The following SH3TC1 variants were observed in gnomAD, a reference collection of about 807,000 sequenced individuals.
The protein encoded by SH3TC1 is SH3 domain and tetratricopeptide repeat-containing protein 1.
A neutral mutation model predicts 117.3 loss-of-function variants in SH3TC1; 135 were observed. The ratio of observed to expected loss-of-function variants is 1.15; its 90% CI spans 1.00 to 1.33. The LOEUF is 1.33. SH3TC1 is among the 40% of genes most tolerant of loss of function. SH3TC1 has a pLI of 0.00. For missense variants in SH3TC1, 2,092 were observed against 1,794.3 expected (o/e 1.17, Z -3.00); for synonymous variants, 898 against 816.9 (o/e 1.10, Z -1.69).
At chr4:8,239,445 C>T (rs1454833598) in intron 17 of SH3TC1, among the ~76,000 whole-genome samples, 10 of 149,764 alleles carry the variant, frequency 6.7e-5, no homozygotes, top group East Asian at 5.9e-4. Flanking sequence ...CACACGGACA[C>T]GCACACGCAG....
chr4:8,198,741 TGTTCC>T (rs1717645347), upstream of SH3TC1, among the ~76,000 whole-genome samples: 1 of 152,188 alleles, frequency 6.6e-6, no homozygotes, highest in Non-Finnish European at 1.5e-5. Flanking sequence ...TTCCCCTAAA[TGTTCC>T]CATTGATGGA....
Position 8,233,369 on chromosome 4 carries a change from C to T in SH3TC1, c.3138C>T (p.Tyr1046=). Residue 1046 remains tyrosine, a synonymous_variant, in exon 14 of 18, where the codon TAC becomes TAT. Transcript: ENST00000245105. Reference sequence around the variant, plus strand: ...CACCTGTGTCTGATACCAGGGCCTACAAATCCGCACTGGACTACACCAAAC... The same window carrying T: ...CACCTGTGTCTGATACCAGGGCCTATAAATCCGCACTGGACTACACCAAAC... The part of the protein sequence containing the change: ...LYLSLGTERA[Y]KSALDYTKRS... 6.2e-7 allele frequency: 1 copy of T among 1,606,892 alleles called. No homozygotes were observed. Among genetic ancestry groups the T allele is most frequent in the Non-Finnish European group, 8.5e-7 (1 of 1,176,564 alleles).
chr4:8,184,446 C>A (rs1717166216), intron 1 of SH3TC1, among the ~76,000 whole-genome samples: 1 of 149,244 alleles, frequency 6.7e-6, no homozygotes, highest in Non-Finnish European at 1.5e-5. Context: ...GTGGTGTGAG[C>A]ATGGCTCACT....
chr4:8,239,328 CATGCACACATGGACACGCACACGCAA>C (rs989493791), intron 17 of SH3TC1, among the ~76,000 whole-genome samples: 1 of 150,020 alleles, frequency 6.7e-6, no homozygotes, highest in Non-Finnish European at 1.5e-5. Flanking sequence ...CACAGAGACA[CATGCACACATGGACACGCACACGCAA>C]ATGCACACAG....
intron 16 of SH3TC1, 82 bp downstream of exon 16, chr4:8,236,510 A>C: frequency 2.1e-6 from 3 of 1,404,198 alleles, no homozygotes; most frequent in Non-Finnish European, 2.8e-6. Flanking sequence ...AGGAGCCGAA[A>C]CAGCTGCCGG....
At position 8,228,130 on chromosome 4, in the gene SH3TC1, A is replaced by G; in HGVS notation, c.2436A>G (p.Ala812=). 6.2e-7 allele frequency: 1 copy of G among 1,612,196 alleles called. No individual in the cohort carries two copies. Among genetic ancestry groups the G allele is most frequent in the Non-Finnish European group, 8.5e-7 (1 of 1,179,470 alleles). Residue 812 remains alanine (A), a synonymous_variant, in exon 12 of 18, where the codon GCA becomes GCG. Transcript: ENST00000245105. ...HGPAITFMTQ[A]VEASAIAGVR... is the part of the protein sequence containing the mutation. ...CGGCCATCACCTTCATGACGCAGGC[A>G]GTGGAAGCCAGTGCTATTGCCGGAG...
rs1719229570 is a variant in SH3TC1 at position 8,216,005 on chromosome 4, C to T, written c.482-106C>T. 2.9e-6 allele frequency: 4 copies of T among 1,384,720 alleles called. No individual in the cohort carries two copies. In the East Asian group the frequency reaches 9.7e-5, roughly 34 times the overall value. The allele number at this position is 1,384,720 out of a possible 1,614,324, so 85.8% of individuals were successfully genotyped here. ...CAGGTGGGTGTCTTCCATGGTCTCCCTGGACCTGGTCAGTGCAGGGCTCAG... is the reference window on the plus strand; with the variant it reads ...CAGGTGGGTGTCTTCCATGGTCTCCTTGGACCTGGTCAGTGCAGGGCTCAG... On this transcript the variant is annotated intron_variant, in intron 5 of 17. Transcript: ENST00000245105.
At chr4:8,198,570 C>T (rs953236726), upstream of SH3TC1, among the ~76,000 whole-genome samples, 4 of 152,214 alleles carry the variant, frequency 2.6e-5, no homozygotes, top group Non-Finnish European at 5.9e-5. Context: ...CAGGCAGGGG[C>T]GAGATTACGT....
In SH3TC1 at chr4:8,227,009, C is replaced by G; in HGVS notation, c.1315C>G (p.Pro439Ala). 1 of 1,561,800 alleles carries G rather than the reference C, an allele frequency of 6.4e-7. No homozygotes were observed. The highest frequency in any genetic ancestry group is 8.7e-7 in the Non-Finnish European group (1 of 1,153,856). The change falls in exon 12 of 18, where the codon CCA becomes GCA. Residue 439 changes from proline to alanine, a missense_variant. Pro to Ala is a conservative substitution (Grantham distance 27). Coordinates refer to ENST00000245105, the MANE Select transcript of SH3TC1 (RefSeq NM_018986.5). ...EIPPPCLSLEPQETLQKVKNV... is the reference protein window; with the variant it reads ...EIPPPCLSLEAQETLQKVKNV... ...ACCTCCACCTTGCCTGAGCCTGGAGCCACAGGAGACCTTGCAGAAGGTGAA... is the reference window on the plus strand; with the variant it reads ...ACCTCCACCTTGCCTGAGCCTGGAGGCACAGGAGACCTTGCAGAAGGTGAA...
Position 8,205,092 on chromosome 4 carries a change from C to A in SH3TC1, c.-28-75C>A. ...GCAACGCTGGTGTTCTCTTTCTGGACCCCAGGCCTGGACACAACCTCCGTG... is the reference window on the plus strand; with the variant it reads ...GCAACGCTGGTGTTCTCTTTCTGGAACCCAGGCCTGGACACAACCTCCGTG... On this transcript the variant is annotated intron_variant, in intron 1 of 17. Coordinates refer to ENST00000245105, the MANE Select transcript of SH3TC1 (RefSeq NM_018986.5). This position sits in a 1 kb window ranked among gnomAD's most constrained non-coding sequence, Gnocchi z 5.4. The A allele has an allele frequency of 7.9e-7, 1 of 1,268,238 alleles. No individual in the cohort carries two copies. The highest frequency in any genetic ancestry group is 1.1e-6 in the Non-Finnish European group (1 of 945,200). The allele number at this position is 1,268,238 out of a possible 1,614,324, so 78.6% of individuals were successfully genotyped here. A position where few individuals can be genotyped will look rare whatever the true frequency, so the allele number is the denominator to read the frequency against.
rs1233840350 is a variant in SH3TC1 at position 8,236,442 on chromosome 4, G to T, written c.3556+14G>T. ...GCATCACCCTGGGTAAGCCCCCTGA[G>T]CCCCTGCCCTGCCAGGACCCACACT... On this transcript the variant is annotated intron_variant, in intron 16 of 17. Transcript: ENST00000245105. 1.4e-6 allele frequency: 2 copies of T among 1,430,948 alleles called. No homozygotes were observed. The highest frequency in any genetic ancestry group is 1.8e-6 in the Non-Finnish European group (2 of 1,084,130). 88.6% of individuals were successfully genotyped at this position (1,430,948 alleles called of 1,614,324 possible). A position where few individuals can be genotyped will look rare whatever the true frequency, so the allele number is the denominator to read the frequency against.
Position 8,227,443 on chromosome 4 carries a change from T to C in SH3TC1, c.1749T>C (p.Phe583=), listed in dbSNP as rs766161505. The change falls in exon 12 of 18, where the codon TTT becomes TTC. Residue 583 remains phenylalanine (F), a synonymous_variant. Transcript: ENST00000245105. The stretch of plus-strand genomic sequence containing the variant: ...AGCTGTCCCAGGCCCGGGTGTACTT[T>C]GAGGAAGCGCTGGGGGCCCTGGAGG... ...RLKLSQARVY[F]EEALGALEGS... 2 of 1,560,506 alleles carry C rather than the reference T, an allele frequency of 1.3e-6. No homozygotes were observed. The highest frequency in any genetic ancestry group is 1.7e-6 in the Non-Finnish European group (2 of 1,157,510).
rs1034104267 is a variant in SH3TC1 at position 8,190,902 on chromosome 4, A to G, written c.-57+8692A>G. On this transcript the variant is annotated intron_variant, in intron 1 of 16. Transcript: ENST00000508641. This position sits in a 1 kb window ranked among gnomAD's most constrained non-coding sequence, Gnocchi z 4.7. Reference sequence around the variant, plus strand: ...AGCGATCCTCCTGCCTCGGCCTCCTAAAGTGCTAGGATTACAGGCGTAATC... The same window carrying G: ...AGCGATCCTCCTGCCTCGGCCTCCTGAAGTGCTAGGATTACAGGCGTAATC... 6.6e-6 allele frequency among the ~76,000 whole-genome samples: 1 copy of G among 151,310 alleles called. No individual in the cohort carries two copies. Among genetic ancestry groups the G allele is most frequent in the Non-Finnish European group, 1.5e-5 (1 of 67,730 alleles).
At chr4:8,231,925 C>G in intron 12 of SH3TC1, 51 bp from the exon 13 acceptor site, 1 of 1,591,924 alleles carries the variant, frequency 6.3e-7, no homozygotes, top group Non-Finnish European at 8.5e-7. Flanking sequence ...GCCCAGCCAG[C>G]CTCGCTTCAA....
In SH3TC1 at chr4:8,205,236, C is replaced by A. The variant is rs1009528713; in HGVS notation, c.42C>A (p.Pro14=). The A allele has an allele frequency of 7.7e-6, 12 of 1,549,492 alleles. No homozygotes were observed. Among genetic ancestry groups the A allele is most frequent in the Non-Finnish European group, 9.6e-6 (11 of 1,146,868 alleles). Residue 14 remains proline (P), a synonymous_variant, in exon 2 of 18, where the codon CCC becomes CCA. Transcript: ENST00000245105. This position sits in a 1 kb window ranked among gnomAD's most constrained non-coding sequence, Gnocchi z 5.4. The part of the protein sequence containing the change: ...LPAVTTEEPT[P]MGRGPVGPSG... The stretch of plus-strand genomic sequence containing the variant: ...CCGTGACCACTGAGGAGCCGACCCC[C>A]ATGGGGAGGGGTCCTGTGGGACCCT...
At chr4:8,189,452 C>A (rs527513946) in intron 1 of SH3TC1, among the ~76,000 whole-genome samples, 12 of 152,312 alleles carry the variant, frequency 7.9e-5, no homozygotes, top group Middle Eastern at 3.4e-3. Context: ...GCCGTCACAG[C>A]CTGGAGGAGA....
In SH3TC1 at chr4:8,236,365, C is replaced by T. The variant is rs1200585502; in HGVS notation, c.3493C>T (p.Leu1165=). Residue 1165 remains leucine, a synonymous_variant, in exon 16 of 18, where the codon CTG becomes TTG. Coordinates refer to ENST00000245105, the MANE Select transcript of SH3TC1 (RefSeq NM_018986.5). ...CNKLVALLAT[L]EEPQEGLEFA... ...CAAGCTGGTGGCACTGCTGGCCACGCTGGAGGAGCCCCAGGAGGGCTTGGA... is the reference window on the plus strand; with the variant it reads ...CAAGCTGGTGGCACTGCTGGCCACGTTGGAGGAGCCCCAGGAGGGCTTGGA... 6.5e-7 allele frequency: 1 copy of T among 1,546,700 alleles called. No individual in the cohort carries two copies. The highest frequency in any genetic ancestry group is 2.5e-5 in the East Asian group (1 of 40,724).
chr4:8,232,984 G>A (rs968085028), intron 13 of SH3TC1: 13 of 1,196,286 alleles, frequency 1.1e-5, no homozygotes, highest in Admixed American at 3.6e-5. Context: ...CAAGCTATAT[G>A]GACAGGCCTC....
chr4:8,203,924 A>G (rs891885031), intron 1 of SH3TC1, among the ~76,000 whole-genome samples: 20 of 152,088 alleles, frequency 1.3e-4, no homozygotes, highest in African/African-American at 4.6e-4. Flanking sequence ...TGGAAGTGGG[A>G]GATGGGGATA....
Sources: gnomAD v4.1 joint callset for allele counts (sites outside exome capture counted in the v4.1 genomes callset) on GRCh38, gnomAD v4.1.1 for gene constraint, Gnocchi (gnomAD v3.1) non-coding constraint, MANE v1.5 for transcripts, NCBI Gene and HGNC (gene_info 2026-07-23, HGNC 2026-07-21) for gene names.